Variants in CNTRL observed in about 807,000 individuals in gnomAD.
The protein encoded by CNTRL is 110 kDa centrosomal protein.
CNTRL carries 233 observed loss-of-function variants against 303.7 expected under a neutral mutation model. That is an observed-to-expected ratio of 0.77 (90% CI 0.69 to 0.86). The LOEUF is 0.86. Among genes scored for constraint, CNTRL ranks in the 40% least tolerant of loss-of-function variants. CNTRL has a pLI of 0.00. For missense variants in CNTRL, 2,524 were observed against 2,650.6 expected (o/e 0.95, Z 1.05); for synonymous variants, 900 against 922.2 (o/e 0.98, Z 0.44).
Position 121,167,665 on chromosome 9 carries a change from CCAA to C in CNTRL, c.5836_5838del (p.Gln1946del). 1 of 1,613,576 alleles carries C rather than the reference CCAA, an allele frequency of 6.2e-7. No individual in the cohort carries two copies. The highest frequency in any genetic ancestry group is 8.5e-7 in the Non-Finnish European group (1 of 1,179,712). On this transcript the variant is annotated inframe_deletion, in exon 37 of 44. Transcript: ENST00000373855. ...TTGAAGAAAACAAGCTCAAACTAGTCCAACAAGAAATGGTACTACACATTTATG... is the reference window on the plus strand; with the variant it reads ...TTGAAGAAAACAAGCTCAAACTAGTCCAAGAAATGGTACTACACATTTATG...
At chr9:121,090,197 C>T in intron 3 of CNTRL, 78 bp from the exon 4 acceptor site, 14 of 1,337,238 alleles carry the variant, frequency 1.0e-5, no homozygotes, top group South Asian at 1.9e-5. Context: ...GTTTTTGTTA[C>T]ATAACATCAA....
In CNTRL at chr9:121,088,287, C is replaced by T. The variant is rs1384064475; in HGVS notation, c.-31-9C>T. 2 of 1,259,116 alleles carry T rather than the reference C, an allele frequency of 1.6e-6. No individual in the cohort carries two copies. Among genetic ancestry groups the T allele is most frequent in the Non-Finnish European group, 2.3e-6 (2 of 864,702 alleles). 78.0% of individuals were successfully genotyped at this position (1,259,116 alleles called of 1,614,324 possible). On this transcript the variant is annotated splice_polypyrimidine_tract_variant and intron_variant, in intron 2 of 43. Coordinates refer to ENST00000373855, the MANE Select transcript of CNTRL (RefSeq NM_007018.6). ...TTAATCTTGTTGAATATACTGAAAA[C>T]TCTTACAGGTTTTGATGAACACCTG...
chr9:121,117,288 A>G (rs2133261291), intron 11 of CNTRL, among the ~76,000 whole-genome samples: 1 of 152,270 alleles, frequency 6.6e-6, no homozygotes, highest in East Asian at 1.9e-4. Flanking sequence ...TTATAAAGGT[A>G]TTGCAGTTAT....
chr9:121,172,174 G>GA (rs1377308454), intron 40 of CNTRL, among the ~76,000 whole-genome samples: 2 of 151,892 alleles, frequency 1.3e-5, no homozygotes, highest in Admixed American at 1.3e-4. Context: ...TTTAATTCAA[G>GA]AAAAAATAAC....
chr9:121,136,056 T>C, intron 15 of CNTRL, 74 bp downstream of exon 15: 1 of 1,304,836 alleles, frequency 7.7e-7, no homozygotes, highest in Non-Finnish European at 1.0e-6. Flanking sequence ...TTTATTTATG[T>C]CTTAATTTAA....
chr9:121,140,997 T>C (rs905225273), intron 17 of CNTRL, among the ~76,000 whole-genome samples: 1 of 152,236 alleles, frequency 6.6e-6, no homozygotes, highest in African/African-American at 2.4e-5. Context: ...GGATCTTTTT[T>C]TTGGTATTTA....
Position 121,096,521 on chromosome 9 carries a change from A to G in CNTRL, c.579A>G (p.Lys193=). 5.3e-6 allele frequency: 8 copies of G among 1,517,718 alleles called. No homozygotes were observed. The highest frequency in any genetic ancestry group is 7.1e-6 in the Non-Finnish European group (8 of 1,124,246). The allele number at this position is 1,517,718 out of a possible 1,614,324, so 94.0% of individuals were successfully genotyped here. A position where few individuals can be genotyped will look rare whatever the true frequency, so the allele number is the denominator to read the frequency against. Residue 193 remains lysine (K), a synonymous_variant, in exon 6 of 44, where the codon AAA becomes AAG. Transcript: ENST00000373855. ...CAGTATGGTTAGGGAAGAAGTTAAA[A>G]TCTTTGCGAGTCCTCAATTTGAAAG... is the stretch of plus-strand genomic sequence containing the variant. ...HIPVWLGKKL[K]SLRVLNLKGN... is the part of the protein sequence containing the mutation.
chr9:121,176,227 A>G (rs2053518472), intron 43 of CNTRL, among the ~76,000 whole-genome samples: 1 of 152,254 alleles, frequency 6.6e-6, no homozygotes, highest in Non-Finnish European at 1.5e-5. Context: ...TCAAGGACAT[A>G]GCAAAGGACA....
In CNTRL at chr9:121,088,399, T is replaced by C; in HGVS notation, c.73T>C (p.Ser25Pro). ...ATCATCATCTCACTCTCCTATCCCA[T>C]CATCTATGTCCAATATGAGATCTAG... is the stretch of plus-strand genomic sequence containing the variant. ...IPSSSHSPIP[S>P]SMSNMRSRSL... is the part of the protein sequence containing the mutation. Residue 25 changes from serine (S) to proline (P), a missense_variant, in exon 3 of 44, where the codon TCA becomes CCA. Physicochemically the swap from Ser to Pro is moderately conservative, Grantham distance 74. Transcript: ENST00000373855. The C allele has an allele frequency of 4.3e-6, 7 of 1,613,164 alleles. No homozygotes were observed. Among genetic ancestry groups the C allele is most frequent in the Non-Finnish European group, 5.9e-6 (7 of 1,179,142 alleles).
At chr9:121,159,069 GT>G (rs1163212105) in intron 31 of CNTRL, 50 bp downstream of exon 31, 1 of 1,508,604 alleles carries the variant, frequency 6.6e-7, no homozygotes, top group African/African-American at 1.4e-5. Flanking sequence ...AGTGCTATAG[GT>G]TTACTTTGAT....
chr9:121,142,159 A>T lies in CNTRL; in HGVS notation c.2760A>T (p.Gln920His), dbSNP rs761513341. Residue 920 changes from glutamine (Q) to histidine (H), a missense_variant, in exon 19 of 44, where the codon CAA (glutamine) becomes CAT (histidine). Physicochemically the swap from Gln to His is conservative, Grantham distance 24. Transcript: ENST00000373855. ...TGGAGAATGAAATTCACTATTTGCA[A>T]GAAAATCTAAAAAGTATGGAGGAAA... ...QQMENEIHYLQENLKSMEEIQ... is the reference protein window; with the variant it reads ...QQMENEIHYLHENLKSMEEIQ... 6.2e-7 allele frequency: 1 copy of T among 1,612,326 alleles called. No homozygotes were observed. The highest frequency in any genetic ancestry group is 1.7e-5 in the Admixed American group (1 of 59,790).
chr9:121,150,416 C>G lies in CNTRL; in HGVS notation c.3896C>G (p.Pro1299Arg), dbSNP rs558014706. ...GAPMVYGPPP[P>R]NFSIPFIPMG... ...CCCATGGTGTATGGGCCTCCACCCC[C>G]CAACTTCTCCATCCCCTTCATCCCT... The change falls in exon 25 of 44, where the codon CCC becomes CGC. Residue 1299 changes from proline to arginine, a missense_variant. Transcript: ENST00000373855. 176 of 1,614,190 alleles carry G rather than the reference C, an allele frequency of 1.1e-4. 1 individual carries two copies. The highest frequency in any genetic ancestry group is 1.1e-3 in the South Asian group (99 of 91,078).
At chr9:121,129,070 A>C (rs1214668471) in intron 14 of CNTRL, among the ~76,000 whole-genome samples, 1 of 152,224 alleles carries the variant, frequency 6.6e-6, no homozygotes, top group African/African-American at 2.4e-5. Context: ...AAAGTCAGGT[A>C]GCGTGATGCC....
chr9:121,143,584 C>T (rs959193988), intron 19 of CNTRL, among the ~76,000 whole-genome samples: 2 of 152,200 alleles, frequency 1.3e-5, no homozygotes, highest in African/African-American at 4.8e-5. Context: ...AATTCTTGTG[C>T]CACCATCCTA....
intron 11 of CNTRL, among the ~76,000 whole-genome samples, chr9:121,116,480 C>A (rs2133238452): frequency 6.6e-6 from 1 of 152,114 alleles, no homozygotes; most frequent in Non-Finnish European, 1.5e-5. Flanking sequence ...GCCATCACTC[C>A]CGGCTAATTT....
chr9:121,124,985 C>G (rs531211933), intron 13 of CNTRL, among the ~76,000 whole-genome samples: 1 of 150,374 alleles, frequency 6.7e-6, no homozygotes, highest in Non-Finnish European at 1.5e-5. Context: ...CATAAAGTTC[C>G]TGGCACATAG....
At chr9:121,129,535 C>A (rs1024484468) in intron 14 of CNTRL, among the ~76,000 whole-genome samples, 18 of 152,190 alleles carry the variant, frequency 1.2e-4, no homozygotes, top group African/African-American at 4.3e-4. Context: ...GAGATTTTGG[C>A]TGAGACGATG....
chr9:121,088,759 AAG>A (rs545561612), intron 3 of CNTRL, among the ~76,000 whole-genome samples: 46 of 152,354 alleles, frequency 3.0e-4, no homozygotes, highest in Admixed American at 6.5e-4. Flanking sequence ...AGTTTTCAGA[AAG>A]AGGAAGCTTT....
At chr9:121,138,514 A>C (rs1404677650) in intron 15 of CNTRL, 31 bp from the exon 16 acceptor site, 20 of 1,599,640 alleles carry the variant, frequency 1.3e-5, no homozygotes, top group Non-Finnish European at 1.7e-5. Flanking sequence ...GCTGTTTTAC[A>C]CTTTCATGTC....
Sources: gnomAD v4.1 joint callset for allele counts (sites outside exome capture counted in the v4.1 genomes callset) on GRCh38, gnomAD v4.1.1 for gene constraint, MANE v1.5 for transcripts, NCBI Gene and HGNC (gene_info 2026-07-23, HGNC 2026-07-21) for gene names.